Variants in C5orf24 observed in about 807,000 individuals in gnomAD.
The protein encoded by C5orf24 is UPF0461 protein C5orf24.
In C5orf24, 4 loss-of-function variants were observed where a neutral mutation model predicts 9.8. The observed-to-expected ratio is 0.41, with a 90% confidence interval of 0.20 to 0.93. The LOEUF is 0.93. Among genes scored for constraint, C5orf24 ranks in the 40% least tolerant of loss-of-function variants. The pLI is 0.33. For synonymous variants in C5orf24, 73 were observed against 81.3 expected, an observed-to-expected ratio of 0.90 and a Z score of 0.55; for missense variants, 170 against 236.9, an observed-to-expected ratio of 0.72 and a Z score of 1.85.
chr5:134,854,792 A>G, intron 1 of C5orf24, 106 bp from the exon 2 acceptor site: 1 of 1,235,834 alleles, frequency 8.1e-7, no homozygotes, highest in Non-Finnish European at 1.1e-6. Context: ...AATTTTATGT[A>G]GCCTGCATAG....
Position 134,856,080 on chromosome 5 carries a change from T to C in C5orf24, c.*613T>C. 1.0e-6 allele frequency: 1 copy of C among 1,000,690 alleles called. No homozygotes were observed. Among genetic ancestry groups the C allele is most frequent in the Non-Finnish European group, 1.2e-6 (1 of 830,326 alleles). The allele number at this position is 1,000,690 out of a possible 1,614,324, so 62.0% of individuals were successfully genotyped here. On this transcript the variant is annotated 3_prime_UTR_variant, in exon 2 of 2. Coordinates refer to ENST00000394976, the MANE Select transcript of C5orf24 (RefSeq NM_001135586.1). ...CATTAATTGATTTAACCATTATACC[T>C]GAAATAATTCTTCAGTGTTTGCCTT... is the stretch of plus-strand genomic sequence containing the variant.
At chr5:134,847,637 A>G (rs1005995892) in intron 1 of C5orf24, among the ~76,000 whole-genome samples, 2 of 151,990 alleles carry the variant, frequency 1.3e-5, no homozygotes, top group Admixed American at 6.6e-5. Flanking sequence ...TTGATAGTCT[A>G]CACAACCTGT....
chr5:134,856,112 G>A lies in C5orf24; in HGVS notation c.*645G>A, dbSNP rs1406831247. 1 of 1,000,272 alleles carries A rather than the reference G, an allele frequency of 1.0e-6. No individual in the cohort carries two copies. The highest frequency in any genetic ancestry group is 1.7e-5 in the African/African-American group (1 of 57,240). The allele number at this position is 1,000,272 out of a possible 1,614,324, so 62.0% of individuals were successfully genotyped here. ...ATTCTTCAGTGTTTGCCTTTGAGCA[G>A]TGATAGGTTGTGTATTTTTTAATTG... On this transcript the variant is annotated 3_prime_UTR_variant, in exon 2 of 2. Transcript: ENST00000394976.
chr5:134,836,650 C>A, the C5orf24 span, among the ~76,000 whole-genome samples: 1 of 150,768 alleles, frequency 6.6e-6, no homozygotes, highest in African/African-American at 2.4e-5. Context: ...TTCAAGTGAT[C>A]CTCCTGCCTC....
chr5:134,842,380 C>T (rs1356975491), upstream of C5orf24, among the ~76,000 whole-genome samples: 1 of 151,872 alleles, frequency 6.6e-6, no homozygotes, highest in Non-Finnish European at 1.5e-5. Flanking sequence ...GTCCCAGCTA[C>T]TCAGGAGGCT....
At chr5:134,837,161 T>TG in the C5orf24 span, among the ~76,000 whole-genome samples, 1 of 151,554 alleles carries the variant, frequency 6.6e-6, no homozygotes, top group Non-Finnish European at 1.5e-5. Flanking sequence ...TTGGTAGAGA[T>TG]GGGGTCTCTC....
chr5:134,855,590 G>GT lies in C5orf24; in HGVS notation c.*130dup, dbSNP rs1161663748. 6.7e-7 allele frequency: 1 copy of GT among 1,500,440 alleles called. No homozygotes were observed. The highest frequency in any genetic ancestry group is 8.8e-7 in the Non-Finnish European group (1 of 1,130,398). 92.9% of individuals were successfully genotyped at this position (1,500,440 alleles called of 1,614,324 possible). A position where few individuals can be genotyped will look rare whatever the true frequency, so the allele number is the denominator to read the frequency against. On this transcript the variant is annotated 3_prime_UTR_variant, in exon 2 of 2. Transcript: ENST00000394976. Reference sequence around the variant, plus strand: ...CTTTCCAAATTTGTTTTCCTGTTTGGTTTTTTTCCTGCTTTTGCTCAAAAA... The same window carrying GT: ...CTTTCCAAATTTGTTTTCCTGTTTGGTTTTTTTTCCTGCTTTTGCTCAAAAA...
At chr5:134,840,255 C>G in the C5orf24 span, among the ~76,000 whole-genome samples, 3 of 130,170 alleles carry the variant, frequency 2.3e-5, no homozygotes, top group Middle Eastern at 0.01. Context: ...TGCAGTGAGT[C>G]AAGATTGCAC....
chr5:134,853,528 CTTTTTTTTTTTTT>C (rs773207000), intron 1 of C5orf24, among the ~76,000 whole-genome samples: 2 of 104,242 alleles, frequency 1.9e-5, no homozygotes, highest in Admixed American at 1.2e-4. Context: ...TCTTCTTCTT[CTTTTTTTTTTTTT>C]TTTTTTTTTT....
intron 1 of C5orf24, among the ~76,000 whole-genome samples, chr5:134,847,102 A>G (rs1756016477): frequency 6.6e-6 from 1 of 152,304 alleles, no homozygotes; most frequent in African/African-American, 2.4e-5. Flanking sequence ...CATTCAAGAG[A>G]AGAGAAAGGA....
In C5orf24 at chr5:134,857,237, G is replaced by A. The variant is rs531068617; in HGVS notation, c.*1770G>A. ...TTGAGATTAAAATGTAGAATTGCAG[G>A]ACCCAAAAACTTTTAAAATAATTAA... is the stretch of plus-strand genomic sequence containing the variant. On this transcript the variant is annotated 3_prime_UTR_variant, in exon 2 of 2. Coordinates refer to ENST00000394976, the MANE Select transcript of C5orf24 (RefSeq NM_001135586.1). 60 of 1,323,264 alleles carry A rather than the reference G, an allele frequency of 4.5e-5. No individual in the cohort carries two copies. The South Asian group carries it at 1.3e-3, about 28-fold the overall frequency. The allele number at this position is 1,323,264 out of a possible 1,614,324, so 82.0% of individuals were successfully genotyped here.
the C5orf24 span, among the ~76,000 whole-genome samples, chr5:134,834,815 G>A: frequency 6.6e-6 from 1 of 151,934 alleles, no homozygotes; most frequent in Admixed American, 6.6e-5. Context: ...GGGAGGCTGA[G>A]GCAGGCAGAT....
At chr5:134,848,816 G>A (rs1756071060) in intron 1 of C5orf24, among the ~76,000 whole-genome samples, 1 of 142,302 alleles carries the variant, frequency 7.0e-6, no homozygotes, top group Admixed American at 7.2e-5. Context: ...AAAAAATTGG[G>A]CGTGGTGGCA....
At chr5:134,834,459 G>C in the C5orf24 span, among the ~76,000 whole-genome samples, 1 of 152,160 alleles carries the variant, frequency 6.6e-6, no homozygotes, top group Admixed American at 6.5e-5. Context: ...ACTCCCAAAA[G>C]TATACTGTTA....
chr5:134,835,828 A>T, the C5orf24 span, among the ~76,000 whole-genome samples: 535 of 152,020 alleles, frequency 3.5e-3, 3 homozygotes, highest in African/African-American at 0.012. Flanking sequence ...TGAATAGGTA[A>T]GTAGGACTAT....
chr5:134,843,063 A>G (rs1267025242), upstream of C5orf24, among the ~76,000 whole-genome samples: 1 of 149,744 alleles, frequency 6.7e-6, no homozygotes, highest in East Asian at 2.0e-4. Flanking sequence ...CGCAACCTCC[A>G]CCTCTGGGGT....
intron 1 of C5orf24, among the ~76,000 whole-genome samples, chr5:134,853,658 C>T (rs1756228728): frequency 6.6e-6 from 1 of 151,534 alleles, no homozygotes. Flanking sequence ...GCCACCATGC[C>T]TGGCTGGACT....
rs1312741663 is a variant in C5orf24, at chr5:134,858,162, G to A, written c.*2695G>A. ...GGGCAAATGGCTACAGTTGTAAATG[G>A]ATAACATCATTTAGAAAGCCGAATT... is the stretch of plus-strand genomic sequence containing the variant. On this transcript the variant is annotated 3_prime_UTR_variant, in exon 2 of 2. Coordinates refer to ENST00000394976, the MANE Select transcript of C5orf24 (RefSeq NM_001135586.1). 1.2e-5 allele frequency: 2 copies of A among 167,016 alleles called. No homozygotes were observed. Among genetic ancestry groups the A allele is most frequent in the African/African-American group, 4.8e-5 (2 of 41,434 alleles). 10.3% of individuals were successfully genotyped at this position (167,016 alleles called of 1,614,324 possible).
the C5orf24 span, among the ~76,000 whole-genome samples, chr5:134,840,393 G>A: frequency 1.3e-5 from 2 of 148,386 alleles, no homozygotes; most frequent in African/African-American, 2.5e-5. Context: ...TATATTTTTT[G>A]AGTCCAGGTC....
Sources: allele counts gnomAD v4.1 joint callset (sites outside exome capture counted in the v4.1 genomes callset), GRCh38; gene constraint gnomAD v4.1.1; transcripts MANE v1.5; gene names NCBI Gene and HGNC (gene_info 2026-07-23, HGNC 2026-07-21).